The following EMCN variants were observed in gnomAD, a reference collection of about 807,000 sequenced individuals.
EMCN encodes MUC-14.
In EMCN, 37 loss-of-function variants were observed where a neutral mutation model predicts 38.4. The ratio of observed to expected loss-of-function variants is 0.96; its 90% confidence interval spans 0.74 to 1.27. The LOEUF (loss-of-function observed/expected upper bound fraction) is 1.27, where lower values mean the gene tolerates loss of function less well. Ranked by LOEUF, EMCN falls within the 50% of genes most tolerant of loss-of-function variation. The pLI is 0.00. For missense variants in EMCN, 318 were observed against 302.8 expected (o/e 1.05, Z -0.37); for synonymous variants, 95 against 100.8 (o/e 0.94, Z 0.35).
intron 1 of EMCN, 32 bp downstream of exon 1, chr4:100,517,819 C>A: frequency 6.2e-7 from 1 of 1,606,156 alleles, no homozygotes. Context: ...ATTTCCAATC[C>A]GTACCACCAG....
At chr4:100,453,955 T>C (rs1314996100) in intron 4 of EMCN, among the ~76,000 whole-genome samples, 2 of 140,800 alleles carry the variant, frequency 1.4e-5, no homozygotes. Flanking sequence ...TTCTCACTCA[T>C]AGGTGGGAAT....
At chr4:100,402,299 A>T (rs1020250418) in intron 11 of EMCN, among the ~76,000 whole-genome samples, 1 of 152,124 alleles carries the variant, frequency 6.6e-6, no homozygotes, top group African/African-American at 2.4e-5. Context: ...ATATATCTAA[A>T]ATCTTGTTTT....
At chr4:100,456,613 G>A (rs955860953) in intron 4 of EMCN, among the ~76,000 whole-genome samples, 1 of 151,958 alleles carries the variant, frequency 6.6e-6, no homozygotes, top group Admixed American at 6.6e-5. Flanking sequence ...AAATGTATCA[G>A]CATAGAGCTA....
At chr4:100,426,618 TG>T (rs1301854097) in intron 5 of EMCN, among the ~76,000 whole-genome samples, 1 of 152,180 alleles carries the variant, frequency 6.6e-6, no homozygotes, top group East Asian at 1.9e-4. Context: ...GCAGTCTCCC[TG>T]GCAAGTATTT....
intron 3 of EMCN, among the ~76,000 whole-genome samples, chr4:100,469,683 G>A (rs1205331142): frequency 6.6e-6 from 1 of 152,032 alleles, no homozygotes; most frequent in Non-Finnish European, 1.5e-5. Flanking sequence ...TTATTGAACA[G>A]GGAGTCCTTT....
chr4:100,462,250 C>A (rs920638737), intron 4 of EMCN, among the ~76,000 whole-genome samples: 5 of 152,100 alleles, frequency 3.3e-5, no homozygotes, highest in African/African-American at 1.2e-4. Context: ...TGTTTCATTT[C>A]TTAAGAAAAT....
intron 5 of EMCN, among the ~76,000 whole-genome samples, chr4:100,436,731 A>G (rs1444395128): frequency 5.9e-5 from 9 of 152,168 alleles, no homozygotes; most frequent in Non-Finnish European, 5.9e-5. Flanking sequence ...TGGAGCTGGA[A>G]GCCATTATCC....
intron 1 of EMCN, among the ~76,000 whole-genome samples, chr4:100,483,637 T>C (rs540692799): frequency 5.9e-5 from 9 of 152,018 alleles, no homozygotes; most frequent in African/African-American, 2.2e-4. Flanking sequence ...ATCTGAAAAA[T>C]GCAAAAAAAA....
intron 5 of EMCN, among the ~76,000 whole-genome samples, chr4:100,439,759 T>C (rs1457558177): frequency 6.6e-6 from 1 of 152,028 alleles, no homozygotes; most frequent in African/African-American, 2.4e-5. Flanking sequence ...AATGTCGGCA[T>C]GTATTGCTAT....
chr4:100,421,516 CCT>C, intron 7 of EMCN, 139 bp from the exon 8 acceptor site: 3 of 682,464 alleles, frequency 4.4e-6, no homozygotes, highest in South Asian at 3.8e-5. Flanking sequence ...GGCAAAGATT[CCT>C]CTGATTCATG....
chr4:100,454,965 G>T (rs1048843536), intron 4 of EMCN, among the ~76,000 whole-genome samples: 6 of 151,876 alleles, frequency 4.0e-5, no homozygotes, highest in Non-Finnish European at 5.9e-5. Flanking sequence ...GCACATATTT[G>T]GGAAGAGGTT....
intron 1 of EMCN, among the ~76,000 whole-genome samples, chr4:100,510,601 T>C (rs1351356723): frequency 2.0e-5 from 3 of 152,196 alleles, no homozygotes; most frequent in Non-Finnish European, 4.4e-5. Flanking sequence ...TTCTGCATAT[T>C]ACCTTGTGTG....
chr4:100,506,787 C>T (rs1729490469), intron 1 of EMCN, among the ~76,000 whole-genome samples: 1 of 152,118 alleles, frequency 6.6e-6, no homozygotes, highest in Non-Finnish European at 1.5e-5. Flanking sequence ...CTGCTAAATT[C>T]TTCTTGTAAG....
intron 4 of EMCN, among the ~76,000 whole-genome samples, chr4:100,462,353 G>A (rs1462902196): frequency 1.3e-5 from 2 of 152,216 alleles, no homozygotes; most frequent in East Asian, 1.9e-4. Flanking sequence ...GAACTGAGAC[G>A]CAGAGAGCAT....
chr4:100,454,894 A>G (rs550866590), intron 4 of EMCN, among the ~76,000 whole-genome samples: 1 of 152,278 alleles, frequency 6.6e-6, no homozygotes, highest in Admixed American at 6.5e-5. Flanking sequence ...TTACCAAAGT[A>G]TACCTTTTCC....
chr4:100,465,610 T>TAAG, intron 3 of EMCN, 71 bp from the exon 4 acceptor site: 3 of 765,580 alleles, frequency 3.9e-6, no homozygotes, highest in Non-Finnish European at 6.1e-6. Context: ...TTCATATTAA[T>TAAG]ATCCAACTAA....
chr4:100,405,316 G>T (rs1419388255), intron 11 of EMCN, among the ~76,000 whole-genome samples: 8 of 152,016 alleles, frequency 5.3e-5, no homozygotes, highest in African/African-American at 1.4e-4. Flanking sequence ...AATTCCAGAT[G>T]CTTTTTCCCA....
intron 11 of EMCN, among the ~76,000 whole-genome samples, chr4:100,400,923 T>C (rs1378874159): frequency 6.6e-6 from 1 of 152,132 alleles, no homozygotes; most frequent in Non-Finnish European, 1.5e-5. Context: ...AATTAGTGTG[T>C]TGGCTTCAAT....
chr4:100,410,562 A>G (rs532745709), intron 10 of EMCN, among the ~76,000 whole-genome samples: 8 of 152,238 alleles, frequency 5.3e-5, no homozygotes, highest in African/African-American at 1.9e-4. Context: ...TTTTCACTTT[A>G]AAGTAGCAAT....
Sources: allele counts gnomAD v4.1 joint callset (sites outside exome capture counted in the v4.1 genomes callset), GRCh38; gene constraint gnomAD v4.1.1; transcripts MANE v1.5; gene names NCBI Gene and HGNC (gene_info 2026-07-23, HGNC 2026-07-21).